The following MPP7 variants were observed in gnomAD, a reference collection of about 807,000 sequenced individuals.
MPP7 encodes the protein MAGUK p55 scaffold protein 7.
Under a neutral mutation model 76.5 loss-of-function variants are expected in MPP7, and 60 were observed. That is an observed-to-expected ratio of 0.78 (90% CI 0.64 to 0.97). The LOEUF (loss-of-function observed/expected upper bound fraction) is 0.97, where lower values mean the gene tolerates loss of function less well. Ranked by LOEUF, MPP7 falls within the 50% of genes least tolerant of loss-of-function variation. The probability of loss-of-function intolerance (pLI) is 0.00; values close to 1 mark genes in which losing one functional copy is unlikely to be tolerated. For synonymous variants in MPP7, 237 were observed against 244.5 expected, an observed-to-expected ratio of 0.97 and a Z score of 0.29; for missense variants, 641 against 694.0, an observed-to-expected ratio of 0.92 and a Z score of 0.86.
At chr10:28,067,459 C>G (rs1852037733) in intron 13 of MPP7, among the ~76,000 whole-genome samples, 1 of 152,150 alleles carries the variant, frequency 6.6e-6, no homozygotes, top group Non-Finnish European at 1.5e-5. Flanking sequence ...TTATAGAACT[C>G]CATGAGAATC....
chr10:28,213,588 T>A, intron 2 of MPP7, among the ~76,000 whole-genome samples: 1 of 148,086 alleles, frequency 6.8e-6, no homozygotes, highest in Non-Finnish European at 1.5e-5. Flanking sequence ...AGGTCAGGAG[T>A]TCAAGACCAG....
At chr10:28,088,976 A>G (rs1161773441) in intron 12 of MPP7, among the ~76,000 whole-genome samples, 1 of 152,168 alleles carries the variant, frequency 6.6e-6, no homozygotes, top group Non-Finnish European at 1.5e-5. Flanking sequence ...CCCAGGTTCA[A>G]GGGATTCTTC....
At chr10:28,289,863 G>A (rs1484933404) in intron 1 of MPP7, among the ~76,000 whole-genome samples, 2 of 152,204 alleles carry the variant, frequency 1.3e-5, no homozygotes, top group Non-Finnish European at 2.9e-5. Flanking sequence ...CTGTCACCCA[G>A]GCTGGAGTAC....
At chr10:28,198,834 G>T (rs1184238164) in intron 3 of MPP7, among the ~76,000 whole-genome samples, 1 of 152,170 alleles carries the variant, frequency 6.6e-6, no homozygotes, top group East Asian at 1.9e-4. Context: ...CCTGGATGCA[G>T]CTCTACCCTT....
At chr10:28,251,410 C>T (rs1015318883) in intron 1 of MPP7, among the ~76,000 whole-genome samples, 28 of 151,568 alleles carry the variant, frequency 1.8e-4, no homozygotes, top group African/African-American at 6.1e-4. Flanking sequence ...TACAGTGAGC[C>T]GAGATCGCAC....
At position 28,094,036 on chromosome 10, in the gene MPP7, T is replaced by C. The variant is rs113001353; in HGVS notation, c.953-4195A>G. ...GACACATTAGGCATTTTCTAAGAGT[T>C]AAAATTCTAAAAGGTGTCAAAGGCT... On this transcript the variant is annotated intron_variant, in intron 11 of 16. Transcript: ENST00000683449. 7.0e-3 allele frequency among the ~76,000 whole-genome samples: 1,066 copies of C among 152,290 alleles called. 14 individuals are homozygous for C. The highest frequency in any genetic ancestry group is 0.024 in the African/African-American group (1,015 of 41,552).
intron 5 of MPP7, among the ~76,000 whole-genome samples, chr10:28,139,651 C>G (rs1410753414): frequency 6.6e-6 from 1 of 152,096 alleles, no homozygotes; most frequent in Non-Finnish European, 1.5e-5. Flanking sequence ...TAGGGCTTCA[C>G]AATGATTAAA....
At chr10:28,187,093 G>A (rs151264927) in intron 3 of MPP7, among the ~76,000 whole-genome samples, 112 of 152,130 alleles carry the variant, frequency 7.4e-4, no homozygotes, top group Non-Finnish European at 7.9e-4. Flanking sequence ...AATATAAGAC[G>A]GTTGTTCTGA....
At chr10:28,312,947 A>G (rs1003710963) in intron 2 of MPP7, among the ~76,000 whole-genome samples, 4 of 152,196 alleles carry the variant, frequency 2.6e-5, no homozygotes, top group African/African-American at 7.2e-5. Context: ...AGCAACATAG[A>G]AAACAGCACC....
At chr10:28,234,967 TG>T (rs1221011997) in intron 2 of MPP7, among the ~76,000 whole-genome samples, 2 of 152,152 alleles carry the variant, frequency 1.3e-5, no homozygotes, top group Non-Finnish European at 2.9e-5. Flanking sequence ...CATGCCACTA[TG>T]GCCCTAATTT....
chr10:28,114,894 T>G (rs903770952), intron 11 of MPP7, among the ~76,000 whole-genome samples: 6 of 152,206 alleles, frequency 3.9e-5, no homozygotes, highest in African/African-American at 1.4e-4. Flanking sequence ...GAGAACACAG[T>G]TCACTGAGAC....
intron 2 of MPP7, among the ~76,000 whole-genome samples, chr10:28,211,148 G>C (rs1219549857): frequency 1.3e-5 from 2 of 151,730 alleles, no homozygotes; most frequent in Admixed American, 6.6e-5. Context: ...ACCCAGGCTA[G>C]AGTGCAGTGG....
At chr10:28,200,133 G>T (rs1209891372) in intron 3 of MPP7, among the ~76,000 whole-genome samples, 1 of 152,074 alleles carries the variant, frequency 6.6e-6, no homozygotes, top group Non-Finnish European at 1.5e-5. Context: ...AAATAGACAC[G>T]CTTGGAATAC....
intron 3 of MPP7, among the ~76,000 whole-genome samples, chr10:28,190,014 G>T (rs186785403): frequency 1.3e-5 from 2 of 152,072 alleles, no homozygotes; most frequent in African/African-American, 4.8e-5. Flanking sequence ...ACCCAAAAAA[G>T]ATGGAGTACA....
At chr10:28,177,118 G>A (rs192933503) in intron 3 of MPP7, among the ~76,000 whole-genome samples, 13 of 151,318 alleles carry the variant, frequency 8.6e-5, no homozygotes, top group Non-Finnish European at 1.9e-4. Context: ...TATTCATACC[G>A]ATAGTAAAAA....
intron 13 of MPP7, among the ~76,000 whole-genome samples, chr10:28,064,569 A>G (rs73606039): frequency 0.026 from 3,935 of 152,328 alleles, 184 homozygotes; most frequent in African/African-American, 0.088. Flanking sequence ...GTAATTGCAC[A>G]TTTTAAATAT....
At chr10:28,132,525 G>A (rs967175890) in intron 5 of MPP7, among the ~76,000 whole-genome samples, 1 of 152,152 alleles carries the variant, frequency 6.6e-6, no homozygotes, top group Non-Finnish European at 1.5e-5. Flanking sequence ...CAACGCCTAG[G>A]CTCAAGCGAT....
At chr10:28,283,790 C>G (rs540759238) in intron 1 of MPP7, among the ~76,000 whole-genome samples, 16 of 152,300 alleles carry the variant, frequency 1.1e-4, no homozygotes, top group African/African-American at 3.9e-4. Context: ...GCTGGGATTA[C>G]AGGGGTGAGC....
intron 2 of MPP7, among the ~76,000 whole-genome samples, chr10:28,316,688 C>T (rs1033151936): frequency 3.3e-5 from 5 of 152,166 alleles, no homozygotes; most frequent in Admixed American, 2.0e-4. Context: ...ATGATATATA[C>T]GTATGGAGTT....
Sources: gnomAD v4.1 joint callset for allele counts (sites outside exome capture counted in the v4.1 genomes callset) on GRCh38, gnomAD v4.1.1 for gene constraint, MANE v1.5 for transcripts, NCBI Gene and HGNC (gene_info 2026-07-23, HGNC 2026-07-21) for gene names.